Variants in FAM153A observed in about 807,000 individuals in gnomAD.
FAM153A encodes the protein family with sequence similarity 153 member A, also known as protein FAM153A.
In FAM153A, 12 loss-of-function variants were observed where a neutral mutation model predicts 48.1. The ratio of observed to expected loss-of-function variants is 0.25; its 90% CI spans 0.16 to 0.40. FAM153A has a LOEUF of 0.40. Ranked by LOEUF, FAM153A falls within the 10% of genes least tolerant of loss-of-function variation. The pLI, the probability that FAM153A is intolerant of heterozygous loss-of-function variation, is 1.00. For missense variants in FAM153A, 111 were observed against 345.8 expected, an observed-to-expected ratio of 0.32 and a Z score of 5.38; for synonymous variants, 36 against 118.2, an observed-to-expected ratio of 0.30 and a Z score of 4.51.
chr5:177,759,067 A>G (rs1256930086), intron 1 of FAM153A, among the ~76,000 whole-genome samples: 3 of 151,862 alleles, frequency 2.0e-5, no homozygotes, highest in African/African-American at 4.9e-5. Context: ...AATTTTTGCA[A>G]TCTACTCACC....
intron 1 of FAM153A, among the ~76,000 whole-genome samples, chr5:177,778,909 C>A: frequency 8.4e-6 from 1 of 119,280 alleles, no homozygotes; most frequent in Non-Finnish European, 1.8e-5. Context: ...CCCAGAAGTT[C>A]CAGGCTACAG....
the FAM153A span, among the ~76,000 whole-genome samples, chr5:177,696,261 G>A: frequency 2.1e-5 from 3 of 139,640 alleles, no homozygotes; most frequent in Non-Finnish European, 3.1e-5. Context: ...CTTCCCAGAC[G>A]GGGTGGCCAG....
In FAM153A at chr5:177,767,874, G is replaced by A. The variant is rs1561956800; in HGVS notation, c.-57+12575C>T. 2.1e-5 allele frequency among the ~76,000 whole-genome samples: 2 copies of A among 96,164 alleles called. 1 individual carries two copies. Among genetic ancestry groups the A allele is most frequent in the Non-Finnish European group, 4.3e-5 (2 of 46,126 alleles). The allele number at this position is 96,164 out of a possible 152,430, so 63.1% of individuals were successfully genotyped here. On this transcript the variant is annotated intron_variant, in intron 1 of 8. Coordinates refer to the FAM153A transcript ENST00000393518. ...ACAAAGAAGTCTCCTGTGACAAAAC[G>A]TGTGGAGGGTTTTTCTCCACCAACA...
intron 1 of FAM153A, among the ~76,000 whole-genome samples, chr5:177,759,606 C>CATAT (rs1441436939): frequency 6.6e-6 from 1 of 151,426 alleles, no homozygotes; most frequent in East Asian, 1.9e-4. Context: ...AAATGTGGCA[C>CATAT]ATATACACCA....
At chr5:177,755,149 T>A (rs1767583286), upstream of FAM153A, among the ~76,000 whole-genome samples, 1 of 151,886 alleles carries the variant, frequency 6.6e-6, no homozygotes, top group Non-Finnish European at 1.5e-5. Flanking sequence ...AATGACCTGA[T>A]GGAGCTGAAA....
chr5:177,701,222 G>T, the FAM153A span, among the ~76,000 whole-genome samples: 3 of 151,818 alleles, frequency 2.0e-5, no homozygotes, highest in Non-Finnish European at 4.4e-5. Flanking sequence ...TATGCTTCCT[G>T]TACAGCCTGT....
chr5:177,781,373 G>A (rs1332015949), upstream of FAM153A, among the ~76,000 whole-genome samples: 2 of 142,486 alleles, frequency 1.4e-5, no homozygotes, highest in Non-Finnish European at 3.0e-5. Flanking sequence ...CGCCCACCTC[G>A]GCCTCCCAAA....
the FAM153A span, among the ~76,000 whole-genome samples, chr5:177,702,512 G>A: frequency 6.6e-6 from 1 of 151,928 alleles, no homozygotes; most frequent in South Asian, 2.1e-4. Context: ...AATTCAAGCA[G>A]GCTGCAGAAA....
At chr5:177,706,957 AGGTC>A (rs1757932343), downstream of FAM153A, 2 of 152,016 alleles carry the variant, frequency 1.3e-5, 1 homozygote, top group African/African-American at 4.8e-5. Context: ...TAGAAAATAA[AGGTC>A]ATTATAAAAC....
chr5:177,706,635 C>G (rs1757914200), downstream of FAM153A: 1 of 151,844 alleles, frequency 6.6e-6, no homozygotes. Flanking sequence ...ACAATGAGAA[C>G]TTTTGTTAAC....
downstream of FAM153A, among the ~76,000 whole-genome samples, chr5:177,705,450 G>T (rs1330760939): frequency 2.0e-5 from 3 of 150,102 alleles, no homozygotes; most frequent in Non-Finnish European, 4.4e-5. Flanking sequence ...TATGCTGCTT[G>T]TACAGACTGC....
At chr5:177,705,781 T>G (rs540772241), downstream of FAM153A, among the ~76,000 whole-genome samples, 2,059 of 146,296 alleles carry the variant, frequency 0.014, 92 homozygotes, top group African/African-American at 0.05. Context: ...TGCCTCAGCC[T>G]CCCCAGTAGG....
downstream of FAM153A, among the ~76,000 whole-genome samples, chr5:177,706,450 C>T (rs1280784828): frequency 2.6e-5 from 4 of 151,912 alleles, no homozygotes; most frequent in South Asian, 2.1e-4. Flanking sequence ...CCACCCGCCT[C>T]GGCCTCCCAA....
chr5:177,769,470 T>C (rs369557730), intron 1 of FAM153A, among the ~76,000 whole-genome samples: 1 of 96,094 alleles, frequency 1.0e-5, no homozygotes. Context: ...CCATAGTTAA[T>C]GGGGAACTAC....
chr5:177,761,278 A>G lies in FAM153A; in HGVS notation c.-56-12579T>C, dbSNP rs569500107. Reference sequence around the variant, plus strand: ...TCGCTAGCAGCGAATTCCCACTTCTATGCAAAGGAAACTGCCAACGAGGTT... The same window carrying G: ...TCGCTAGCAGCGAATTCCCACTTCTGTGCAAAGGAAACTGCCAACGAGGTT... On this transcript the variant is annotated intron_variant, in intron 1 of 8. Transcript: ENST00000393518. Among the ~76,000 whole-genome samples, 10 of 151,808 alleles carry G rather than the reference A, an allele frequency of 6.6e-5. 1 individual carries two copies. The highest frequency in any genetic ancestry group is 5.9e-4 in the Admixed American group (9 of 15,252).
upstream of FAM153A, among the ~76,000 whole-genome samples, chr5:177,755,410 T>C (rs1249921998): frequency 6.6e-6 from 1 of 151,888 alleles, no homozygotes; most frequent in Non-Finnish European, 1.5e-5. Flanking sequence ...GAAAACACTC[T>C]GCAGGATATT....
At chr5:177,702,535 A>G in the FAM153A span, among the ~76,000 whole-genome samples, 1 of 151,936 alleles carries the variant, frequency 6.6e-6, no homozygotes. Context: ...TGCATACGTA[A>G]AAAGGTGCCA....
chr5:177,767,877 T>G (rs113278960), intron 1 of FAM153A, among the ~76,000 whole-genome samples: 246 of 79,926 alleles, frequency 3.1e-3, no homozygotes, highest in East Asian at 6.2e-3. Context: ...ACAAAACGTG[T>G]GGAGGGTTTT....
intron 16 of FAM153A, 127 bp from the exon 19 acceptor site, chr5:177,729,682 C>T (rs542846026): frequency 3.8e-5 from 59 of 1,550,990 alleles, no homozygotes; most frequent in Admixed American, 2.6e-4. Flanking sequence ...CAGCTGCTGC[C>T]GGTCCATCCT....
Sources: gnomAD v4.1 joint callset for allele counts (sites outside exome capture counted in the v4.1 genomes callset) on GRCh38, gnomAD v4.1.1 for gene constraint, MANE v1.5 for transcripts, NCBI Gene and HGNC (gene_info 2026-07-23, HGNC 2026-07-21) for gene names.